MTMR8: variants seen among roughly 807,000 people sequenced by gnomAD.
MTMR8 encodes the protein myotubularin related protein 8, also known as phosphatidylinositol-3,5-bisphosphate 3-phosphatase MTMR8.
A neutral mutation model predicts 39.3 loss-of-function variants in MTMR8; 65 were observed. The observed-to-expected ratio is 1.65, with a 90% confidence interval of 1.35 to 2.03. MTMR8 has a LOEUF of 2.03. Ranked by LOEUF, MTMR8 falls within the 30% of genes most tolerant of loss-of-function variation. MTMR8 has a pLI of 0.00. For synonymous variants in MTMR8, 245 were observed against 185.2 expected, an observed-to-expected ratio of 1.32 and a Z score of -2.62; for missense variants, 777 against 538.9, an observed-to-expected ratio of 1.44 and a Z score of -4.37.
At chrX:64,376,142 G>A (rs936135678) in intron 1 of MTMR8, among the ~76,000 whole-genome samples, 1 of 112,006 alleles carries the variant, frequency 8.9e-6, no homozygotes, top group African/African-American at 3.3e-5. Flanking sequence ...AAATTACCCA[G>A]TCCCAGGTAG....
At chrX:64,302,222 C>T (rs916856089) in intron 12 of MTMR8, among the ~76,000 whole-genome samples, 4 of 112,586 alleles carry the variant, frequency 3.6e-5, no homozygotes, top group African/African-American at 1.3e-4. Context: ...AGCGAGATTC[C>T]GCGGGCGTAG....
At position 64,269,056 on chromosome X, in the gene MTMR8, C is replaced by A. The variant is rs774222795; in HGVS notation, c.1609-13G>T. The A allele has an allele frequency of 6.7e-6, 8 of 1,201,843 alleles. No individual in the cohort carries two copies. The highest frequency in any genetic ancestry group is 9.0e-6 in the Non-Finnish European group (8 of 890,667). ...GGACTTTTAGTTTCTGCCTCAGGAG[C>A]AAGAAAGGGTTGAGAAGAATTAGAA... is the stretch of plus-strand genomic sequence containing the variant. On this transcript the variant is annotated splice_polypyrimidine_tract_variant and intron_variant, in intron 13 of 13. Coordinates refer to ENST00000374852, the MANE Select transcript of MTMR8 (RefSeq NM_017677.4).
chrX:64,330,984 G>C lies in MTMR8; in HGVS notation c.1352+573C>G, dbSNP rs1190703716. 2.7e-5 allele frequency among the ~76,000 whole-genome samples: 3 copies of C among 111,674 alleles called. No individual in the cohort carries two copies. In the East Asian group the frequency reaches 8.5e-4, roughly 32 times the overall value. On this transcript the variant is annotated intron_variant, in intron 11 of 13. Coordinates refer to ENST00000374852, the MANE Select transcript of MTMR8 (RefSeq NM_017677.4). ...GAGGGAAAGGGTAGGAAGCGGGTGA[G>C]GGATAAAAGACTACAAATTGGGTTC...
chrX:64,358,920 G>A (rs1923701237), intron 2 of MTMR8, among the ~76,000 whole-genome samples: 1 of 109,546 alleles, frequency 9.1e-6, no homozygotes, highest in African/African-American at 3.4e-5. Context: ...AGGACAGAGA[G>A]ATGGTCTAAA....
At chrX:64,315,067 G>A (rs1429633865) in intron 12 of MTMR8, among the ~76,000 whole-genome samples, 1 of 111,777 alleles carries the variant, frequency 8.9e-6, no homozygotes, top group Non-Finnish European at 1.9e-5. Context: ...AGGGGGATGG[G>A]CATCCCTGGC....
chrX:64,388,642 G>T (rs1048592647), intron 1 of MTMR8, among the ~76,000 whole-genome samples: 1 of 112,286 alleles, frequency 8.9e-6, no homozygotes, highest in African/African-American at 3.2e-5. Flanking sequence ...TCAAGAGTTA[G>T]AAGGAACCTT....
chrX:64,348,921 A>G, intron 5 of MTMR8, 127 bp from the exon 6 acceptor site: 3 of 728,364 alleles, frequency 4.1e-6, no homozygotes, highest in Non-Finnish European at 4.0e-6. Context: ...TCCAAAGCAA[A>G]GAGAAATGTG....
chrX:64,384,059 A>T (rs1342094375), intron 1 of MTMR8, among the ~76,000 whole-genome samples: 1 of 112,244 alleles, frequency 8.9e-6, no homozygotes, highest in Non-Finnish European at 1.9e-5. Context: ...AAACATTTCC[A>T]TTCCAAAAGG....
intron 12 of MTMR8, among the ~76,000 whole-genome samples, chrX:64,280,447 C>A (rs990168257): frequency 1.3e-4 from 14 of 111,908 alleles, no homozygotes; most frequent in African/African-American, 4.2e-4. Flanking sequence ...ATGACAAAAA[C>A]CACATAATTA....
intron 1 of MTMR8, among the ~76,000 whole-genome samples, chrX:64,386,260 A>G (rs1305396307): frequency 8.9e-6 from 1 of 111,995 alleles, no homozygotes; most frequent in Non-Finnish European, 1.9e-5. Context: ...AATTAGATCT[A>G]TAACTAAATT....
intron 12 of MTMR8, among the ~76,000 whole-genome samples, chrX:64,272,498 G>A (rs999242446): frequency 9.0e-6 from 1 of 110,719 alleles, no homozygotes; most frequent in East Asian, 2.8e-4. Flanking sequence ...AAAGAAAAAA[G>A]AATAAAAAAA....
At chrX:64,325,610 A>G (rs745662770) in intron 12 of MTMR8, among the ~76,000 whole-genome samples, 2 of 111,996 alleles carry the variant, frequency 1.8e-5, no homozygotes, top group African/African-American at 6.5e-5. Context: ...GATAAAAACA[A>G]TACATTATGT....
chrX:64,283,586 A>G (rs923097461), intron 12 of MTMR8, among the ~76,000 whole-genome samples: 5 of 112,131 alleles, frequency 4.5e-5, no homozygotes, highest in African/African-American at 1.6e-4. Context: ...GTAGGGGCAG[A>G]CTGACACCTC....
intron 1 of MTMR8, among the ~76,000 whole-genome samples, chrX:64,381,446 GT>G (rs150707143): frequency 0.15 from 13,698 of 91,588 alleles, 2,412 homozygotes; most frequent in African/African-American, 0.48. Context: ...CGATGGGGTT[GT>G]TTTTTTTTTT....
intron 12 of MTMR8, among the ~76,000 whole-genome samples, chrX:64,315,168 C>T (rs1334042158): frequency 8.9e-6 from 1 of 112,063 alleles, no homozygotes; most frequent in Non-Finnish European, 1.9e-5. Flanking sequence ...AACTTCTCTC[C>T]CTGCCAACTC....
At chrX:64,310,128 C>T (rs756185419) in intron 12 of MTMR8, among the ~76,000 whole-genome samples, 19 of 112,054 alleles carry the variant, frequency 1.7e-4, no homozygotes, top group Non-Finnish European at 3.0e-4. Context: ...AAACTGGAGA[C>T]GATCCTCTGA....
At chrX:64,386,417 T>C (rs753611411) in intron 1 of MTMR8, among the ~76,000 whole-genome samples, 17 of 111,044 alleles carry the variant, frequency 1.5e-4, no homozygotes, top group Non-Finnish European at 3.0e-4. Flanking sequence ...AACAGTTAAG[T>C]GAAAAGCCAG....
intron 12 of MTMR8, among the ~76,000 whole-genome samples, chrX:64,326,174 G>A (rs1348974057): frequency 1.8e-5 from 2 of 111,310 alleles, no homozygotes; most frequent in Non-Finnish European, 3.8e-5. Context: ...TTTGTGTTGA[G>A]TAGGCGGAGG....
chrX:64,334,587 A>AC (rs1569222874), intron 10 of MTMR8, among the ~76,000 whole-genome samples: 1 of 105,198 alleles, frequency 9.5e-6, no homozygotes, highest in East Asian at 2.9e-4. Context: ...AAAAAAAAAA[A>AC]AAAAAAAACA....
Sources: allele counts gnomAD v4.1 joint callset (sites outside exome capture counted in the v4.1 genomes callset), GRCh38; gene constraint gnomAD v4.1.1; transcripts MANE v1.5; gene names NCBI Gene and HGNC (gene_info 2026-07-23, HGNC 2026-07-21).